Variants in CMKLR1 observed in about 807,000 individuals in gnomAD.
CMKLR1 encodes chemerin-like receptor 1.
CMKLR1 carries 6 observed loss-of-function variants against 8.2 expected under a neutral mutation model. The observed-to-expected ratio is 0.73, with a 90% CI of 0.40 to 1.44. The LOEUF (loss-of-function observed/expected upper bound fraction) is 1.44, where lower values mean the gene tolerates loss of function less well. CMKLR1 is among the 40% of genes most tolerant of loss of function. The pLI is 0.02. For synonymous variants in CMKLR1, 178 were observed against 181.2 expected, an observed-to-expected ratio of 0.98 and a Z score of 0.14; for missense variants, 429 against 478.0, an observed-to-expected ratio of 0.90 and a Z score of 0.96.
At chr12:108,311,413 A>G (rs1891568450) in intron 2 of CMKLR1, among the ~76,000 whole-genome samples, 1 of 152,188 alleles carries the variant, frequency 6.6e-6, no homozygotes, top group African/African-American at 2.4e-5. Flanking sequence ...CCAGGAGTAC[A>G]ACACCAGCTT....
chr12:108,302,364 CA>C (rs1255214486), intron 2 of CMKLR1, among the ~76,000 whole-genome samples: 1 of 152,254 alleles, frequency 6.6e-6, no homozygotes. Flanking sequence ...AGGAAACACA[CA>C]GGGAGGTGTC....
intron 2 of CMKLR1, among the ~76,000 whole-genome samples, chr12:108,327,353 C>A (rs1005117913): frequency 5.3e-5 from 8 of 152,084 alleles, no homozygotes; most frequent in Non-Finnish European, 1.0e-4. Context: ...GTGGCACATG[C>A]CTGTAGTCCT....
At chr12:108,319,284 G>A (rs1593173649) in intron 2 of CMKLR1, among the ~76,000 whole-genome samples, 1 of 152,134 alleles carries the variant, frequency 6.6e-6, no homozygotes, top group African/African-American at 2.4e-5. Context: ...CTTTGCCCCA[G>A]CCTCCCAACA....
chr12:108,301,022 A>C (rs1220591423), intron 2 of CMKLR1, among the ~76,000 whole-genome samples: 1 of 144,680 alleles, frequency 6.9e-6, no homozygotes, highest in Non-Finnish European at 1.5e-5. Flanking sequence ...CAATGTTGCT[A>C]TTGTTGTTGT....
At chr12:108,335,176 A>T (rs759374101) in intron 1 of CMKLR1, among the ~76,000 whole-genome samples, 19 of 152,186 alleles carry the variant, frequency 1.2e-4, no homozygotes, top group Non-Finnish European at 2.8e-4. Flanking sequence ...TGTCCACAAA[A>T]ATTCATTCTC....
chr12:108,305,764 C>T (rs1305890708), intron 2 of CMKLR1, among the ~76,000 whole-genome samples: 1 of 152,222 alleles, frequency 6.6e-6, no homozygotes, highest in Non-Finnish European at 1.5e-5. Flanking sequence ...TGTGGGAGCT[C>T]GCACTGAGTC....
intron 1 of CMKLR1, among the ~76,000 whole-genome samples, chr12:108,332,583 G>A (rs576858125): frequency 1.3e-5 from 2 of 152,202 alleles, no homozygotes; most frequent in Non-Finnish European, 2.9e-5. Context: ...AGGAGAGACC[G>A]GCCTAGCCTC....
chr12:108,298,261 ATAAT>A (rs940324122), intron 2 of CMKLR1, among the ~76,000 whole-genome samples: 3 of 152,214 alleles, frequency 2.0e-5, no homozygotes, highest in African/African-American at 7.2e-5. Context: ...GTAATAACTA[ATAAT>A]TGATTGGGTG....
rs375387234 is a variant in CMKLR1, at chr12:108,292,747, T to C, written c.216A>G (p.Thr72=). The C allele has an allele frequency of 6.2e-7, 1 of 1,614,196 alleles. No individual in the cohort carries two copies. The highest frequency in any genetic ancestry group is 8.5e-7 in the Non-Finnish European group (1 of 1,180,024). Residue 72 remains threonine (T), a synonymous_variant, in exon 4 of 4, where the codon ACA becomes ACG. Coordinates refer to ENST00000550402, the MANE Select transcript of CMKLR1 (RefSeq NM_001142343.2). ...GGTTGAGGAACCAGACCATGTTCAC[T>C]GTCTTCTTCATCTTGAAGGTGGCAA... ...IIIATFKMKK[T]VNMVWFLNLA...
At chr12:108,324,168 G>A (rs984082255) in intron 2 of CMKLR1, among the ~76,000 whole-genome samples, 1 of 152,126 alleles carries the variant, frequency 6.6e-6, no homozygotes, top group Admixed American at 6.5e-5. Context: ...CTTTTTTCTG[G>A]GAGCTGCATG....
At chr12:108,328,249 G>C (rs1056489242) in intron 2 of CMKLR1, among the ~76,000 whole-genome samples, 1 of 152,194 alleles carries the variant, frequency 6.6e-6, no homozygotes, top group African/African-American at 2.4e-5. Context: ...AGCCTGGAAC[G>C]AAACTATGAC....
chr12:108,304,610 T>G (rs1389848050), intron 2 of CMKLR1, among the ~76,000 whole-genome samples: 1 of 152,172 alleles, frequency 6.6e-6, no homozygotes, highest in African/African-American at 2.4e-5. Flanking sequence ...TTTGCCTCTC[T>G]TTGTTCCTGG....
At chr12:108,336,412 G>T (rs1389406265) in intron 1 of CMKLR1, among the ~76,000 whole-genome samples, 1 of 152,188 alleles carries the variant, frequency 6.6e-6, no homozygotes, top group Non-Finnish European at 1.5e-5. Flanking sequence ...CGGGCGGGGT[G>T]GTGGGTGCCT....
At chr12:108,320,496 A>C (rs979609009) in intron 2 of CMKLR1, 4 of 152,300 alleles carry the variant, frequency 2.6e-5, no homozygotes, top group Non-Finnish European at 4.4e-5. Flanking sequence ...ACATTTAGAA[A>C]GAGCCAAAAG....
At chr12:108,316,749 C>T (rs527834425) in intron 2 of CMKLR1, among the ~76,000 whole-genome samples, 1 of 152,202 alleles carries the variant, frequency 6.6e-6, no homozygotes, top group South Asian at 2.1e-4. Context: ...TCCAAAATCC[C>T]CAAAGATCAG....
intron 2 of CMKLR1, among the ~76,000 whole-genome samples, chr12:108,305,967 A>AC (rs532597280): frequency 1.6e-4 from 24 of 151,670 alleles, no homozygotes; most frequent in South Asian, 8.4e-4. Context: ...ACTCAGGGAG[A>AC]CCCCCCCACC....
intron 3 of CMKLR1, 136 bp from the exon 4 acceptor site, chr12:108,293,095 C>T (rs1370590229): frequency 6.2e-6 from 5 of 806,212 alleles, no homozygotes; most frequent in South Asian, 5.5e-5. Flanking sequence ...TCCTTCTTTG[C>T]TATTTTATTT....
At chr12:108,321,317 AGC>A in intron 2 of CMKLR1, among the ~76,000 whole-genome samples, 1 of 152,226 alleles carries the variant, frequency 6.6e-6, no homozygotes. Context: ...TCAAATTTAC[AGC>A]TATGCAGGAG....
chr12:108,289,703 G>C lies in CMKLR1; in HGVS notation c.*2138C>G, dbSNP rs1294588361. The C allele has an allele frequency of 6.6e-6, 1 of 152,204 alleles. No individual in the cohort carries two copies. Among genetic ancestry groups the C allele is most frequent in the Non-Finnish European group, 1.5e-5 (1 of 68,054 alleles). 9.4% of individuals were successfully genotyped at this position (152,204 alleles called of 1,614,324 possible). Reference sequence around the variant, plus strand: ...TGGGGGCCACTGAGCAATATTTAAAGCTCCCTTTTTGCTCTCAAACCGTCT... The same window carrying C: ...TGGGGGCCACTGAGCAATATTTAAACCTCCCTTTTTGCTCTCAAACCGTCT... On this transcript the variant is annotated 3_prime_UTR_variant, in exon 4 of 4. Transcript: ENST00000550402.
Sources: gnomAD v4.1 joint callset for allele counts (sites outside exome capture counted in the v4.1 genomes callset) on GRCh38, gnomAD v4.1.1 for gene constraint, MANE v1.5 for transcripts, NCBI Gene and HGNC (gene_info 2026-07-23, HGNC 2026-07-21) for gene names.